Variants in MIOS observed in about 807,000 individuals in gnomAD.
MIOS encodes GATOR2 complex protein MIOS.
In MIOS, 52 loss-of-function variants were observed where a neutral mutation model predicts 96.9. The observed-to-expected ratio is 0.54, with a 90% CI of 0.43 to 0.68. The LOEUF is 0.68. MIOS is among the 30% of genes least tolerant of loss of function. The pLI is 0.00. For missense variants in MIOS, 1,005 were observed against 1,052.8 expected, an observed-to-expected ratio of 0.95 and a Z score of 0.63; for synonymous variants, 397 against 359.5, an observed-to-expected ratio of 1.10 and a Z score of -1.18.
intron 11 of MIOS, among the ~76,000 whole-genome samples, chr7:7,601,895 C>T (rs202240547): frequency 0.14 from 21,041 of 152,182 alleles, 1,626 homozygotes; most frequent in East Asian, 0.29. Flanking sequence ...GGCTTCATCC[C>T]TGGGATGCAA....
chr7:7,602,073 C>T (rs928576057), intron 11 of MIOS, among the ~76,000 whole-genome samples: 3 of 152,144 alleles, frequency 2.0e-5, no homozygotes, highest in East Asian at 1.9e-4. Context: ...GGATGTATCA[C>T]GAAATAATAA....
intron 5 of MIOS, chr7:7,581,678 G>C (rs922716450): frequency 3.9e-5 from 6 of 152,158 alleles, no homozygotes; most frequent in Admixed American, 1.3e-4. Flanking sequence ...GCCAGAAATT[G>C]CTCTCAGCTC....
chr7:7,594,898 C>A, intron 9 of MIOS, 82 bp from the exon 10 acceptor site: 243 of 694,738 alleles, frequency 3.5e-4, no homozygotes, highest in Middle Eastern at 5.2e-4. Flanking sequence ...TTCTGTGTTA[C>A]TCATACTTAC....
chr7:7,566,908 G>C lies in MIOS; in HGVS notation c.-385G>C, dbSNP rs12702621. The C allele has an allele frequency of 0.83, 126,718 of 152,146 alleles. 55,922 individuals are homozygous for C. The highest frequency in any genetic ancestry group is 0.99 in the East Asian group (5,088 of 5,142). The allele number at this position is 152,146 out of a possible 1,614,324, so 9.4% of individuals were successfully genotyped here. A position where few individuals can be genotyped will look rare whatever the true frequency, so the allele number is the denominator to read the frequency against. Reference sequence around the variant, plus strand: ...CCCCTTCCAAGGCCGAGGCGCCGCTGCGCGTCCTCCAGGCGTGGTGGTGGG... The same window carrying C: ...CCCCTTCCAAGGCCGAGGCGCCGCTCCGCGTCCTCCAGGCGTGGTGGTGGG... On this transcript the variant is annotated 5_prime_UTR_variant, in exon 1 of 13. Transcript: ENST00000340080.
chr7:7,597,839 A>C (rs144979363), intron 11 of MIOS, among the ~76,000 whole-genome samples: 1 of 151,860 alleles, frequency 6.6e-6, no homozygotes, highest in Non-Finnish European at 1.5e-5. Context: ...CAGCCTCCCA[A>C]GTAGCTGGGA....
chr7:7,604,499 C>G (rs1784470983), intron 11 of MIOS, among the ~76,000 whole-genome samples: 1 of 151,924 alleles, frequency 6.6e-6, no homozygotes, highest in South Asian at 2.1e-4. Flanking sequence ...AGAAATGTTA[C>G]AGTAAAGAAG....
chr7:7,595,922 C>G (rs1004912977), intron 10 of MIOS, among the ~76,000 whole-genome samples: 3 of 152,254 alleles, frequency 2.0e-5, no homozygotes, highest in African/African-American at 7.2e-5. Context: ...TATCACTGAA[C>G]TGTGGTTTAG....
At chr7:7,569,160 G>A (rs910342307) in intron 3 of MIOS, among the ~76,000 whole-genome samples, 1 of 152,194 alleles carries the variant, frequency 6.6e-6, no homozygotes, top group Non-Finnish European at 1.5e-5. Context: ...TTTCCTTTGT[G>A]GGGGTATGAG....
rs1784521164 is a variant in MIOS at position 7,606,051 on chromosome 7, A to G, written c.2511A>G (p.Gly837=). Residue 837 remains glycine, a synonymous_variant, in exon 12 of 13, where the codon GGA becomes GGG. Transcript: ENST00000340080. ...CHNCRHGGHA[G]HMLSWFRDHA... ...ATTGCAGGCACGGTGGACATGCTGG[A>G]CATATGCTTAGTTGGTTCAGGTAAT... is the stretch of plus-strand genomic sequence containing the variant. The G allele has an allele frequency of 1.2e-6, 2 of 1,613,776 alleles. No homozygotes were observed. The highest frequency in any genetic ancestry group is 1.7e-6 in the Non-Finnish European group (2 of 1,179,832).
At position 7,572,603 on chromosome 7, in the gene MIOS, T is replaced by C; in HGVS notation, c.128T>C (p.Leu43Ser). 4 of 1,614,130 alleles carry C rather than the reference T, an allele frequency of 2.5e-6. No individual in the cohort carries two copies. The highest frequency in any genetic ancestry group is 3.4e-6 in the Non-Finnish European group (4 of 1,180,004). The change falls in exon 4 of 13, where the codon TTA (leucine) becomes TCA (serine). Residue 43 changes from leucine (L) to serine (S), a missense_variant. Around this residue, in one of 3 missense-constraint regions of MIOS, gnomAD observed 137 missense variants for 148.6 expected, o/e 0.92. Transcript: ENST00000340080. The surrounding 1 kb of genome is among the most constrained non-coding windows in gnomAD (Gnocchi z 4.8). Reference sequence around the variant, plus strand: ...AATTCAGAACTCAAAGCTGGATCTTTACGTTTATCTGAAGACTCTGCAGCT... The same window carrying C: ...AATTCAGAACTCAAAGCTGGATCTTCACGTTTATCTGAAGACTCTGCAGCT... ...TVNSELKAGS[L>S]RLSEDSAATL... is the part of the protein sequence containing the mutation.
intron 7 of MIOS, among the ~76,000 whole-genome samples, chr7:7,587,551 C>T (rs1401399912): frequency 6.6e-6 from 1 of 152,104 alleles, no homozygotes; most frequent in Non-Finnish European, 1.5e-5. Context: ...TTACCATAGC[C>T]ATTCAGTTAA....
intron 9 of MIOS, among the ~76,000 whole-genome samples, chr7:7,591,109 A>G (rs775278952): frequency 6.6e-6 from 1 of 152,106 alleles, no homozygotes; most frequent in South Asian, 2.1e-4. Flanking sequence ...TGTAAATCCT[A>G]TAGCATTCCT....
chr7:7,574,667 A>G (rs1783469094), intron 5 of MIOS, among the ~76,000 whole-genome samples: 1 of 152,250 alleles, frequency 6.6e-6, no homozygotes, highest in South Asian at 2.1e-4. Flanking sequence ...ACGTGGAGGA[A>G]TTATACCTGA....
intron 11 of MIOS, 39 bp from the exon 12 acceptor site, chr7:7,605,903 T>G: frequency 6.4e-7 from 1 of 1,550,512 alleles, no homozygotes; most frequent in African/African-American, 1.4e-5. Context: ...AATAAAATAT[T>G]ATGATATAGT....
chr7:7,588,611 C>T, intron 8 of MIOS, 48 bp downstream of exon 8: 4 of 1,221,728 alleles, frequency 3.3e-6, no homozygotes, highest in Non-Finnish European at 4.6e-6. Context: ...TATGTACTGT[C>T]ACAATTATGT....
At chr7:7,605,153 T>C (rs1387347096) in intron 11 of MIOS, 1 of 152,222 alleles carries the variant, frequency 6.6e-6, no homozygotes, top group Non-Finnish European at 1.5e-5. Flanking sequence ...AATGTCTTTA[T>C]AGATAGCAAT....
intron 6 of MIOS, among the ~76,000 whole-genome samples, chr7:7,585,187 G>A (rs1449466719): frequency 6.6e-6 from 1 of 152,082 alleles, no homozygotes; most frequent in Non-Finnish European, 1.5e-5. Flanking sequence ...AGTGATTCTG[G>A]TAGGATGACT....
chr7:7,593,803 C>G (rs762766015), intron 9 of MIOS, among the ~76,000 whole-genome samples: 1 of 142,656 alleles, frequency 7.0e-6, no homozygotes, highest in Non-Finnish European at 1.5e-5. Context: ...TGCTTGAGCC[C>G]GGGAGGCAGA....
chr7:7,573,055 C>T lies in MIOS; in HGVS notation c.580C>T (p.Pro194Ser), dbSNP rs756733810. ...TGCTTGTCTGTCTCTTTGTTGGCTT[C>T]CACGAGACCAGAAACTTCTCCTTGC... The part of the protein sequence containing the change: ...NDACLSLCWL[P>S]RDQKLLLAGM... Residue 194 changes from proline (P) to serine (S), a missense_variant, in exon 4 of 13, where the codon CCA (proline) becomes TCA (serine). This residue lies in a region of MIOS where 865 missense variants were observed against 887.9 expected (regional missense o/e 0.97). Coordinates refer to ENST00000340080, the MANE Select transcript of MIOS (RefSeq NM_019005.4). This position sits in a 1 kb window ranked among gnomAD's most constrained non-coding sequence, Gnocchi z 5.0. 1 of 1,614,024 alleles carries T rather than the reference C, an allele frequency of 6.2e-7. No homozygotes were observed. Among genetic ancestry groups the T allele is most frequent in the South Asian group, 1.1e-5 (1 of 91,068 alleles).
Sources: allele counts gnomAD v4.1 joint callset (sites outside exome capture counted in the v4.1 genomes callset), GRCh38; gene constraint gnomAD v4.1.1; regional missense constraint gnomAD v4.1.1; non-coding constraint Gnocchi (gnomAD v3.1); transcripts MANE v1.5; gene names NCBI Gene and HGNC (gene_info 2026-07-23, HGNC 2026-07-21).